The following SLC11A2 variants were observed in gnomAD, a reference collection of about 807,000 sequenced individuals.
The protein encoded by SLC11A2 is natural resistance-associated macrophage protein 2.
SLC11A2 carries 38 observed loss-of-function variants against 68.0 expected under a neutral mutation model. The ratio of observed to expected loss-of-function variants is 0.56; its 90% CI spans 0.43 to 0.73. The LOEUF is 0.73. Among genes scored for constraint, SLC11A2 ranks in the 30% least tolerant of loss-of-function variants. The pLI, the probability that SLC11A2 is intolerant of heterozygous loss-of-function variation, is 0.00. For missense variants in SLC11A2, 517 were observed against 690.5 expected (o/e 0.75, Z 2.82); for synonymous variants, 242 against 250.6 (o/e 0.97, Z 0.32).
At chr12:51,008,255 TA>T in intron 3 of SLC11A2, 3 of 52,796 alleles carry the variant, frequency 5.7e-5, no homozygotes, top group South Asian at 1.4e-4. Context: ...GATAGATAGA[TA>T]GATAGACGGA....
At chr12:51,018,596 G>A (rs1477927943) in intron 1 of SLC11A2, among the ~76,000 whole-genome samples, 3 of 151,732 alleles carry the variant, frequency 2.0e-5, no homozygotes, top group Admixed American at 6.6e-5. Context: ...CTGGGCAACA[G>A]GGCAAAACCC....
At chr12:50,978,318 A>T (rs999455662), downstream of SLC11A2, among the ~76,000 whole-genome samples, 17 of 152,130 alleles carry the variant, frequency 1.1e-4, no homozygotes, top group African/African-American at 3.9e-4. Flanking sequence ...AGCCATAAAC[A>T]ATGATGAGTT....
chr12:51,001,632 T>C (rs1033446402), intron 5 of SLC11A2, among the ~76,000 whole-genome samples: 5 of 147,280 alleles, frequency 3.4e-5, no homozygotes, highest in African/African-American at 1.2e-4. Context: ...CCTTCACATG[T>C]ATCCATCTCC....
Position 51,010,689 on chromosome 12 carries a change from A to C in SLC11A2, c.34+6T>G, listed in dbSNP as rs17216107. The C allele has an allele frequency of 0.015, 23,283 of 1,517,152 alleles. 271 individuals are homozygous for C. The highest frequency in any genetic ancestry group is 0.028 in the South Asian group (2,504 of 89,600). The allele number at this position is 1,517,152 out of a possible 1,614,324, so 94.0% of individuals were successfully genotyped here. A position where few individuals can be genotyped will look rare whatever the true frequency, so the allele number is the denominator to read the frequency against. On this transcript the variant is annotated splice_donor_region_variant and intron_variant, in intron 2 of 15. Coordinates refer to ENST00000262052, the MANE Select transcript of SLC11A2 (RefSeq NM_000617.3). Reference sequence around the variant, plus strand: ...AATTAGACAATAACACAAAGCGGTAAATTACCATCTGACATCTTCTGTTCA... The same window carrying C: ...AATTAGACAATAACACAAAGCGGTACATTACCATCTGACATCTTCTGTTCA...
downstream of SLC11A2, among the ~76,000 whole-genome samples, chr12:50,984,570 T>C (rs1318247357): frequency 6.6e-6 from 1 of 152,126 alleles, no homozygotes; most frequent in Non-Finnish European, 1.5e-5. Flanking sequence ...GTTATATTGT[T>C]CTGAGACATT....
chr12:50,992,186 T>C lies in SLC11A2; in HGVS notation c.1347+4A>G, dbSNP rs1457292550. Reference sequence around the variant, plus strand: ...AGGATGTGTTTCCTCAGCTTCCTCCTCACCTGTAAGCTCTGTAGAACATTC... The same window carrying C: ...AGGATGTGTTTCCTCAGCTTCCTCCCCACCTGTAAGCTCTGTAGAACATTC... On this transcript the variant is annotated splice_donor_region_variant and intron_variant, in intron 13 of 15. Coordinates refer to ENST00000262052, the MANE Select transcript of SLC11A2 (RefSeq NM_000617.3). 1 of 1,613,958 alleles carries C rather than the reference T, an allele frequency of 6.2e-7. No individual in the cohort carries two copies. The highest frequency in any genetic ancestry group is 1.1e-5 in the South Asian group (1 of 91,068).
At chr12:50,954,169 A>C in the SLC11A2 span, 1 of 847,796 alleles carries the variant, frequency 1.2e-6, no homozygotes, top group South Asian at 1.6e-5. Context: ...TGCGGATTGA[A>C]ATGTTTCTTA....
chr12:50,963,275 TAGG>T, the SLC11A2 span, among the ~76,000 whole-genome samples: 1 of 139,594 alleles, frequency 7.2e-6, no homozygotes, highest in Non-Finnish European at 1.5e-5. Context: ...GAGGCTGAAG[TAGG>T]AGAATTGCTC....
At chr12:50,974,188 C>G in the SLC11A2 span, among the ~76,000 whole-genome samples, 5 of 152,158 alleles carry the variant, frequency 3.3e-5, no homozygotes, top group East Asian at 9.6e-4. Context: ...ACATAATTGT[C>G]AGATTCACCA....
intron 1 of SLC11A2, among the ~76,000 whole-genome samples, chr12:51,020,679 C>A (rs1358219520): frequency 6.6e-6 from 1 of 152,152 alleles, no homozygotes; most frequent in East Asian, 1.9e-4. Context: ...TGGTTTCAAA[C>A]AACTGCAGAT....
At chr12:50,958,808 G>C in the SLC11A2 span, among the ~76,000 whole-genome samples, 3 of 151,550 alleles carry the variant, frequency 2.0e-5, no homozygotes, top group African/African-American at 7.3e-5. Flanking sequence ...CTTGGGGCCA[G>C]GAGTTCAAAG....
upstream of SLC11A2, chr12:51,028,164 C>T: frequency 2.6e-6 from 4 of 1,525,004 alleles, no homozygotes; most frequent in Non-Finnish European, 3.5e-6. Context: ...GGCAGCTTCC[C>T]TGGGCTACTT....
At chr12:50,958,282 CTTTT>C in the SLC11A2 span, among the ~76,000 whole-genome samples, 2 of 133,924 alleles carry the variant, frequency 1.5e-5, no homozygotes, top group Admixed American at 7.5e-5. Flanking sequence ...CTAAAATAAT[CTTTT>C]TTTTTTTTTT....
intron 1 of SLC11A2, among the ~76,000 whole-genome samples, chr12:51,019,214 G>A (rs114338806): frequency 2.0e-5 from 3 of 152,252 alleles, no homozygotes; most frequent in East Asian, 3.9e-4. Context: ...AAGGCTTAGC[G>A]ACACCCAAAG....
At position 50,999,199 on chromosome 12, in the gene SLC11A2, A is replaced by G; in HGVS notation, c.650T>C (p.Ile217Thr). The G allele has an allele frequency of 5.0e-6, 8 of 1,614,038 alleles. No individual in the cohort carries two copies. Among genetic ancestry groups the G allele is most frequent in the Non-Finnish European group, 6.8e-6 (8 of 1,179,900 alleles). The change falls in exon 8 of 16, where the codon ATT (isoleucine) becomes ACT (threonine). Residue 217 changes from isoleucine (I) to threonine (T), a missense_variant. By Grantham distance (89) the Ile-to-Thr change is moderately conservative. Transcript: ENST00000262052. Reference protein sequence around the residue: ...LEAFFGFLITIMALTFGYEYV... With the variant: ...LEAFFGFLITTMALTFGYEYV... ...CTCATATCCAAATGTGAGGGCCATA[A>G]TAGTGATGAGAAAGCCAAAAAATGC...
chr12:50,993,992 C>A (rs867173524), intron 11 of SLC11A2, among the ~76,000 whole-genome samples: 1 of 48,400 alleles, frequency 2.1e-5, no homozygotes, highest in African/African-American at 7.6e-5. Context: ...ACCTTGTCTC[C>A]AAAAAAAAAA....
downstream of SLC11A2, chr12:50,980,845 T>C (rs965491708): frequency 6.6e-6 from 1 of 152,254 alleles, no homozygotes; most frequent in African/African-American, 2.4e-5. Context: ...ATATCTTCAC[T>C]ATCTTATGTC....
At chr12:50,972,853 A>G in the SLC11A2 span, among the ~76,000 whole-genome samples, 3 of 152,136 alleles carry the variant, frequency 2.0e-5, no homozygotes, top group African/African-American at 7.2e-5. Flanking sequence ...TATCCCGCGC[A>G]TGGCTCACAG....
Position 50,990,883 on chromosome 12 carries a change from A to T in SLC11A2, c.1487T>A (p.Val496Glu), listed in dbSNP as rs1274757816. 4.3e-6 allele frequency: 7 copies of T among 1,613,888 alleles called. No homozygotes were observed. The East Asian group carries it at 1.3e-4, about 31-fold the overall frequency. ...IICSINMYFVVVYVRDLGHVA... is the reference protein window; with the variant it reads ...IICSINMYFVEVYVRDLGHVA... Reference sequence around the variant, plus strand: ...ATGCCCTAGGTCCCGGACATAAACCACTACAAAGTACATATTGATGGAACA... The same window carrying T: ...ATGCCCTAGGTCCCGGACATAAACCTCTACAAAGTACATATTGATGGAACA... The change falls in exon 15 of 16, where the codon GTG becomes GAG. Residue 496 changes from valine (V) to glutamate (E), a missense_variant. Transcript: ENST00000262052.
Sources: allele counts gnomAD v4.1 joint callset (sites outside exome capture counted in the v4.1 genomes callset), GRCh38; gene constraint gnomAD v4.1.1; transcripts MANE v1.5; gene names NCBI Gene and HGNC (gene_info 2026-07-23, HGNC 2026-07-21).